The following ELL variants were observed in gnomAD, a reference collection of about 807,000 sequenced individuals.
ELL encodes the protein elongation factor for RNA polymerase II.
ELL carries 18 observed loss-of-function variants against 64.0 expected under a neutral mutation model. That is an observed-to-expected ratio of 0.28 (90% CI 0.19 to 0.42). The LOEUF (loss-of-function observed/expected upper bound fraction) is 0.42, where lower values mean the gene tolerates loss of function less well. Ranked by LOEUF, ELL falls within the 10% of genes least tolerant of loss-of-function variation. The pLI, the probability that ELL is intolerant of heterozygous loss-of-function variation, is 1.00. For synonymous variants in ELL, 399 were observed against 376.2 expected, an observed-to-expected ratio of 1.06 and a Z score of -0.70; for missense variants, 797 against 870.4, an observed-to-expected ratio of 0.92 and a Z score of 1.06.
chr19:18,498,927 G>A (rs1028545956), intron 1 of ELL, among the ~76,000 whole-genome samples: 1 of 150,998 alleles, frequency 6.6e-6, no homozygotes, highest in Admixed American at 6.6e-5. Flanking sequence ...TCCAGCCTGG[G>A]CAACAGAGCG....
intron 1 of ELL, among the ~76,000 whole-genome samples, chr19:18,482,752 T>C (rs570945169): frequency 6.6e-6 from 1 of 150,768 alleles, no homozygotes; most frequent in South Asian, 2.1e-4. Context: ...GTTCCTCCCA[T>C]CTTTTTGGTT....
chr19:18,506,354 C>G (rs1255321703), intron 1 of ELL, among the ~76,000 whole-genome samples: 1 of 152,256 alleles, frequency 6.6e-6, no homozygotes, highest in Non-Finnish European at 1.5e-5. Context: ...TGCTTCAGAG[C>G]AGACTGTGGC....
At chr19:18,476,001 TA>T (rs1975168184) in intron 1 of ELL, 2 of 152,268 alleles carry the variant, frequency 1.3e-5, no homozygotes, top group African/African-American at 4.8e-5. Context: ...GGAACTGGCG[TA>T]AGACACAAGA....
chr19:18,496,603 T>C (rs1975659643), intron 1 of ELL, among the ~76,000 whole-genome samples: 1 of 149,656 alleles, frequency 6.7e-6, no homozygotes, highest in African/African-American at 2.5e-5. Context: ...AGGCGTGGAG[T>C]AGGGTTGGGG....
intron 1 of ELL, among the ~76,000 whole-genome samples, chr19:18,482,655 C>T (rs1170705104): frequency 6.6e-6 from 1 of 152,080 alleles, no homozygotes; most frequent in Non-Finnish European, 1.5e-5. Flanking sequence ...TTAACAGTAT[C>T]TCTCAAAATA....
intron 2 of ELL, among the ~76,000 whole-genome samples, chr19:18,468,323 T>C (rs1974996002): frequency 2.0e-5 from 3 of 152,116 alleles, no homozygotes. Flanking sequence ...GCCAGAGCCA[T>C]GTGGGTGACC....
intron 6 of ELL, among the ~76,000 whole-genome samples, chr19:18,456,213 C>G (rs534625563): frequency 4.6e-5 from 7 of 152,134 alleles, no homozygotes; most frequent in Non-Finnish European, 7.4e-5. Flanking sequence ...ACACACAGGA[C>G]AGAAGGACGG....
At chr19:18,478,831 T>C (rs1975231080) in intron 1 of ELL, among the ~76,000 whole-genome samples, 1 of 152,214 alleles carries the variant, frequency 6.6e-6, no homozygotes, top group African/African-American at 2.4e-5. Context: ...CTGGGGCTAC[T>C]GAACACAGAC....
In ELL at chr19:18,442,980, G is replaced by A. The variant is rs1974325881; in HGVS notation, c.*1772C>T. On this transcript the variant is annotated 3_prime_UTR_variant, in exon 12 of 12. Transcript: ENST00000262809. ...TTCTTAGCTTCATAATTCCTTAAAA[G>A]GAGAACAAATAAACAACAAAAACAA... 4.3e-6 allele frequency: 1 copy of A among 232,044 alleles called. No individual in the cohort carries two copies. The highest frequency in any genetic ancestry group is 8.5e-6 in the Non-Finnish European group (1 of 117,116). 14.4% of individuals were successfully genotyped at this position (232,044 alleles called of 1,614,324 possible).
At chr19:18,465,610 T>TG in intron 3 of ELL, 35 bp from the exon 4 acceptor site, 1 of 1,556,556 alleles carries the variant, frequency 6.4e-7, no homozygotes, top group Middle Eastern at 1.7e-4. Context: ...GGTCAGCAGC[T>TG]GGGACAATGC....
chr19:18,450,943 G>C lies in ELL; in HGVS notation c.999C>G (p.Pro333=). 2 of 1,531,014 alleles carry C rather than the reference G, an allele frequency of 1.3e-6. No homozygotes were observed. The highest frequency in any genetic ancestry group is 2.3e-5 in the East Asian group (1 of 44,064). 94.8% of individuals were successfully genotyped at this position (1,531,014 alleles called of 1,614,324 possible). The change falls in exon 8 of 12, where the codon CCC becomes CCG. Residue 333 remains proline, a synonymous_variant. Coordinates refer to ENST00000262809, the MANE Select transcript of ELL (RefSeq NM_006532.4). ...ATATCCGGGGTTTCTTGTTGGCTAG[G>C]GGGTCGATGAAATCAGGAGGCTGCA... ...KRLQPPDFID[P]LANKKPRISH...
intron 1 of ELL, among the ~76,000 whole-genome samples, chr19:18,505,845 C>A (rs2144969811): frequency 6.6e-6 from 1 of 152,270 alleles, no homozygotes; most frequent in East Asian, 1.9e-4. Flanking sequence ...CAGGCACTGA[C>A]CTGACCTCCC....
chr19:18,446,023 G>A, intron 10 of ELL: 1 of 434,380 alleles, frequency 2.3e-6, no homozygotes, highest in Non-Finnish European at 4.2e-6. Flanking sequence ...CAAACATGTG[G>A]GGATCCATGT....
intron 1 of ELL, among the ~76,000 whole-genome samples, chr19:18,487,936 C>A (rs186093011): frequency 3.5e-4 from 53 of 152,342 alleles, no homozygotes; most frequent in Admixed American, 1.3e-3. Flanking sequence ...GTGGTCCCAG[C>A]CACCAGACTC....
At position 18,505,825 on chromosome 19, in the gene ELL, G is replaced by A. The variant is rs752923856; in HGVS notation, c.135+16096C>T. 2.0e-5 allele frequency among the ~76,000 whole-genome samples: 3 copies of A among 152,156 alleles called. No individual in the cohort carries two copies. The South Asian group carries it at 6.2e-4, about 31-fold the overall frequency. On this transcript the variant is annotated intron_variant, in intron 1 of 11. Transcript: ENST00000262809. ...TAAGGAGAGGTGAATGTGAGTTGCA[G>A]GAGGGGCTGCAGGCACTGACCTGAC...
intron 1 of ELL, among the ~76,000 whole-genome samples, chr19:18,510,124 T>C (rs1212308276): frequency 2.6e-5 from 4 of 152,186 alleles, no homozygotes; most frequent in South Asian, 4.1e-4. Flanking sequence ...TCCCAGCACT[T>C]TGGGAGGCCA....
chr19:18,487,267 C>T (rs1356962769), intron 1 of ELL, among the ~76,000 whole-genome samples: 2 of 152,220 alleles, frequency 1.3e-5, no homozygotes, highest in African/African-American at 2.4e-5. Flanking sequence ...AGTAGGGTCA[C>T]CCCTCAAATG....
intron 1 of ELL, among the ~76,000 whole-genome samples, chr19:18,515,841 G>A (rs1976116911): frequency 1.3e-5 from 2 of 152,208 alleles, no homozygotes; most frequent in South Asian, 4.1e-4. Context: ...GGGCCAGTGA[G>A]GACAGCCGAG....
intron 1 of ELL, among the ~76,000 whole-genome samples, chr19:18,494,900 T>C (rs533378017): frequency 9.2e-5 from 14 of 152,322 alleles, no homozygotes; most frequent in Admixed American, 6.5e-4. Context: ...TGGACAACTC[T>C]ACCCTGTACC....
Sources: gnomAD v4.1 joint callset for allele counts (sites outside exome capture counted in the v4.1 genomes callset) on GRCh38, gnomAD v4.1.1 for gene constraint, MANE v1.5 for transcripts, NCBI Gene and HGNC (gene_info 2026-07-23, HGNC 2026-07-21) for gene names.